Variants in DMXL1 observed in about 807,000 individuals in gnomAD.
DMXL1 encodes Dmx like 1.
In DMXL1, 99 loss-of-function variants were observed where a neutral mutation model predicts 319.2. That is an observed-to-expected ratio of 0.31 (90% CI 0.26 to 0.37). The LOEUF (loss-of-function observed/expected upper bound fraction) is 0.37. Ranked by LOEUF, DMXL1 falls within the 10% of genes least tolerant of loss-of-function variation. The pLI, the probability that DMXL1 is intolerant of heterozygous loss-of-function variation, is 1.00. For synonymous variants in DMXL1, 1,385 were observed against 1,235.2 expected (o/e 1.12, Z -2.54); for missense variants, 3,745 against 3,595.6 (o/e 1.04, Z -1.06).
chr5:119,144,664 A>G (rs759987482), intron 15 of DMXL1, 26 bp downstream of exon 15: 5 of 1,421,502 alleles, frequency 3.5e-6, no homozygotes, highest in Non-Finnish European at 2.9e-6. Flanking sequence ...TTATGGAATG[A>G]GAAATACTAT....
At chr5:119,079,377 C>T (rs1359857256) in intron 1 of DMXL1, among the ~76,000 whole-genome samples, 3 of 152,200 alleles carry the variant, frequency 2.0e-5, no homozygotes, top group African/African-American at 4.8e-5. Context: ...CTTATCTATT[C>T]AGGCTGTCTC....
intron 1 of DMXL1, among the ~76,000 whole-genome samples, chr5:119,091,343 C>T (rs1350314756): frequency 6.6e-6 from 1 of 152,084 alleles, no homozygotes; most frequent in Non-Finnish European, 1.5e-5. Flanking sequence ...GTAGCTGGGA[C>T]TACAGGCACA....
intron 15 of DMXL1, 115 bp downstream of exon 15, chr5:119,144,753 GGTTT>G (rs1768151782): frequency 1.0e-5 from 6 of 579,242 alleles, no homozygotes; most frequent in Admixed American, 1.0e-4. Context: ...AATTGGGGTA[GGTTT>G]GTTTATTAAA....
rs937088990 is a variant in DMXL1, at chr5:119,248,049, C to G, written c.*830C>G. ...AAAGATTAGATTTAGTCAAATAAGT[C>G]TTAGCAGGCAATAAAGTTTCTGTGG... On this transcript the variant is annotated 3_prime_UTR_variant, in exon 44 of 44. Coordinates refer to ENST00000539542, the MANE Select transcript of DMXL1 (RefSeq NM_001290321.3). 6.6e-6 allele frequency: 1 copy of G among 152,028 alleles called. No individual in the cohort carries two copies. Among genetic ancestry groups the G allele is most frequent in the South Asian group, 2.1e-4 (1 of 4,832 alleles). 9.4% of individuals were successfully genotyped at this position (152,028 alleles called of 1,614,324 possible).
chr5:119,180,979 G>T (rs1354777928), intron 28 of DMXL1, among the ~76,000 whole-genome samples: 2 of 152,144 alleles, frequency 1.3e-5, no homozygotes, highest in African/African-American at 4.8e-5. Context: ...TAGCCATCAG[G>T]TCTCAATTTC....
intron 34 of DMXL1, among the ~76,000 whole-genome samples, chr5:119,207,223 A>G (rs1003070984): frequency 6.6e-6 from 1 of 152,154 alleles, no homozygotes; most frequent in African/African-American, 2.4e-5. Context: ...TGCAAATATC[A>G]CTTCTGAAGT....
At chr5:119,142,741 G>A (rs866156407) in intron 13 of DMXL1, among the ~76,000 whole-genome samples, 7 of 152,022 alleles carry the variant, frequency 4.6e-5, no homozygotes, top group African/African-American at 9.7e-5. Context: ...GCAGGCAAAT[G>A]TTCATTGCAG....
intron 13 of DMXL1, among the ~76,000 whole-genome samples, chr5:119,143,434 T>C (rs1767854007): frequency 6.6e-6 from 1 of 151,982 alleles, no homozygotes; most frequent in African/African-American, 2.4e-5. Flanking sequence ...ACTAAAGCAG[T>C]CAGGACATGA....
chr5:119,157,145 G>A (rs1034495247), intron 19 of DMXL1, among the ~76,000 whole-genome samples: 5 of 151,860 alleles, frequency 3.3e-5, no homozygotes, highest in Admixed American at 6.6e-5. Context: ...CACCACTTGT[G>A]CCTGGCATGC....
At chr5:119,129,126 T>C in intron 9 of DMXL1, 85 bp from the exon 10 acceptor site, 2 of 801,164 alleles carry the variant, frequency 2.5e-6, no homozygotes. Flanking sequence ...AAAATATAAA[T>C]GTAATAGTAA....
intron 13 of DMXL1, among the ~76,000 whole-genome samples, chr5:119,142,585 A>G (rs1376293813): frequency 6.6e-6 from 1 of 150,732 alleles, no homozygotes; most frequent in Non-Finnish European, 1.5e-5. Context: ...CACAGTGTTG[A>G]TGGGAGTGTA....
chr5:119,165,286 T>TAAAA lies in DMXL1; in HGVS notation c.4970+21_4970+24dup, dbSNP rs11301800. ...GTGATTTGGGGATTATATAGGTAGGTAAAAAAAAAAAAAAAAAAGGGTGCT... is the reference window on the plus strand; with the variant it reads ...GTGATTTGGGGATTATATAGGTAGGTAAAAAAAAAAAAAAAAAAAAAAGGGTGCT... On this transcript the variant is annotated splice_region_variant and intron_variant, in intron 21 of 43. Transcript: ENST00000539542. 4.2e-5 allele frequency: 37 copies of TAAAA among 884,594 alleles called. No individual in the cohort carries two copies. Among genetic ancestry groups the TAAAA allele is most frequent in the Non-Finnish European group, 4.9e-5 (30 of 611,244 alleles). The allele number at this position is 884,594 out of a possible 1,614,324, so 54.8% of individuals were successfully genotyped here.
At chr5:119,128,412 C>G (rs188562306) in intron 9 of DMXL1, 2 of 212,132 alleles carry the variant, frequency 9.4e-6, no homozygotes, top group Non-Finnish European at 2.0e-5. Flanking sequence ...TGATGCTTCT[C>G]TCCTCAGCAG....
At chr5:119,127,903 C>G in intron 9 of DMXL1, 1 of 358,412 alleles carries the variant, frequency 2.8e-6, no homozygotes, top group Non-Finnish European at 5.7e-6. Flanking sequence ...ATGATATTCA[C>G]TTTTTCAAGC....
At chr5:119,094,352 A>G (rs958916058) in intron 1 of DMXL1, among the ~76,000 whole-genome samples, 7 of 152,198 alleles carry the variant, frequency 4.6e-5, no homozygotes, top group Admixed American at 4.6e-4. Context: ...GTGCTCTACA[A>G]GTGGAACAAC....
intron 1 of DMXL1, chr5:119,081,534 G>T: frequency 1.0e-6 from 1 of 978,552 alleles, no homozygotes; most frequent in Non-Finnish European, 1.2e-6. Flanking sequence ...CAATTAACAG[G>T]TATATATAGT....
Position 119,116,977 on chromosome 5 carries a change from A to T in DMXL1, c.743+641A>T, listed in dbSNP as rs184520741. The stretch of plus-strand genomic sequence containing the variant: ...GAATTTTAGTAGGTTATAGAGACCT[A>T]TTACTTAAATACAGGTATAAATTCC... On this transcript the variant is annotated intron_variant, in intron 7 of 43. Transcript: ENST00000539542. 2.0e-4 allele frequency among the ~76,000 whole-genome samples: 30 copies of T among 152,094 alleles called. No homozygotes were observed. In the East Asian group the frequency reaches 5.8e-3, roughly 29 times the overall value.
chr5:119,121,177 A>G, intron 9 of DMXL1, 38 bp downstream of exon 9: 1 of 1,506,604 alleles, frequency 6.6e-7, no homozygotes, highest in East Asian at 2.4e-5. Flanking sequence ...TCTGAAATTG[A>G]ATAGATTGAT....
chr5:119,149,565 A>T lies in DMXL1; in HGVS notation c.3738A>T (p.Lys1246Asn), dbSNP rs1229651300. Reference sequence around the variant, plus strand: ...ATTGCCAATGGCAACCATCTTCTAAACAAGAACCTGTTATAACAGATTCGT... The same window carrying T: ...ATTGCCAATGGCAACCATCTTCTAATCAAGAACCTGTTATAACAGATTCGT... ...HVYCQWQPSS[K>N]QEPVITDSYS... Residue 1246 changes from lysine (K) to asparagine (N), a missense_variant, in exon 18 of 44, where the codon AAA (lysine) becomes AAT (asparagine). Physicochemically the swap from Lys to Asn is moderately conservative, Grantham distance 94 (BLOSUM62 0). This residue lies in a region of DMXL1 where 2,096 missense variants were observed against 1,985.4 expected (regional missense o/e 1.06). Transcript: ENST00000539542. 6.2e-7 allele frequency: 1 copy of T among 1,613,834 alleles called. No individual in the cohort carries two copies. The highest frequency in any genetic ancestry group is 8.5e-7 in the Non-Finnish European group (1 of 1,179,916).
Sources: allele counts gnomAD v4.1 joint callset (sites outside exome capture counted in the v4.1 genomes callset), GRCh38; gene constraint gnomAD v4.1.1; regional missense constraint gnomAD v4.1.1; transcripts MANE v1.5; gene names NCBI Gene and HGNC (gene_info 2026-07-23, HGNC 2026-07-21).